The following SAXO1 variants were observed in gnomAD, a reference collection of about 807,000 sequenced individuals.
SAXO1 encodes 4930500O09Rik.
SAXO1 carries 21 observed loss-of-function variants against 17.5 expected under a neutral mutation model. That is an observed-to-expected ratio of 1.20 (90% CI 0.85 to 1.72). The LOEUF is 1.72. Among genes scored for constraint, SAXO1 ranks in the 40% most tolerant of loss-of-function variants. The probability of loss-of-function intolerance (pLI) is 0.00; values close to 1 mark genes in which losing one functional copy is unlikely to be tolerated. For missense variants in SAXO1, 843 were observed against 596.0 expected, an observed-to-expected ratio of 1.41 and a Z score of -4.32; for synonymous variants, 274 against 216.5, an observed-to-expected ratio of 1.27 and a Z score of -2.33.
In SAXO1 at chr9:18,962,229, G is replaced by A. The variant is rs540916492; in HGVS notation, c.39-11292C>T. Among the ~76,000 whole-genome samples the A allele has an allele frequency of 1.8e-4, 28 of 152,172 alleles. No individual in the cohort carries two copies. In the South Asian group the frequency reaches 1.9e-3, roughly 10 times the overall value. On this transcript the variant is annotated intron_variant, in intron 1 of 3. Coordinates refer to ENST00000380534, the MANE Select transcript of SAXO1 (RefSeq NM_153707.4). ...ATTATAGGCATGTGCCACCACACCC[G>A]GCTAATTTTTGTATTTTTAGTAGAG...
intron 1 of SAXO1, among the ~76,000 whole-genome samples, chr9:19,048,379 C>T (rs992891868): frequency 3.3e-5 from 5 of 152,104 alleles, no homozygotes; most frequent in African/African-American, 1.2e-4. Context: ...ATCGCTTGAA[C>T]TCAGGAGGCG....
chr9:18,992,151 A>T (rs1333022584), intron 1 of SAXO1, among the ~76,000 whole-genome samples: 2 of 152,210 alleles, frequency 1.3e-5, no homozygotes, highest in Non-Finnish European at 2.9e-5. Context: ...TCCCCACTAC[A>T]TATCACTTTC....
At chr9:18,940,514 C>T (rs1831507680) in intron 3 of SAXO1, among the ~76,000 whole-genome samples, 1 of 152,202 alleles carries the variant, frequency 6.6e-6, no homozygotes, top group Non-Finnish European at 1.5e-5. Flanking sequence ...TCTAGGAGCT[C>T]ACATCCCTCC....
intron 1 of SAXO1, among the ~76,000 whole-genome samples, chr9:18,982,917 G>A (rs561512797): frequency 9.9e-5 from 15 of 152,252 alleles, no homozygotes; most frequent in African/African-American, 3.6e-4. Flanking sequence ...CAAGGTAATT[G>A]TTTTGATAGA....
At chr9:19,048,193 C>T (rs1264003964) in intron 1 of SAXO1, among the ~76,000 whole-genome samples, 2 of 152,204 alleles carry the variant, frequency 1.3e-5, no homozygotes, top group Non-Finnish European at 2.9e-5. Flanking sequence ...AGGCCAGGCA[C>T]GGTGGCTCAC....
chr9:19,040,630 T>G (rs954270498), intron 1 of SAXO1, among the ~76,000 whole-genome samples: 6 of 149,678 alleles, frequency 4.0e-5, no homozygotes, highest in Admixed American at 4.0e-4. Context: ...GGCAACAGAG[T>G]GAGATTCTTT....
intron 1 of SAXO1, among the ~76,000 whole-genome samples, chr9:18,952,249 C>G (rs1205128766): frequency 6.6e-6 from 1 of 152,196 alleles, no homozygotes; most frequent in Non-Finnish European, 1.5e-5. Context: ...ACTTAGCTAC[C>G]TTCATGAATG....
chr9:18,957,914 T>C (rs1832321171), intron 1 of SAXO1, among the ~76,000 whole-genome samples: 1 of 152,196 alleles, frequency 6.6e-6, no homozygotes, highest in Admixed American at 6.6e-5. Context: ...TCTATTTAAT[T>C]TATGATATAC....
intron 2 of SAXO1, among the ~76,000 whole-genome samples, chr9:18,945,407 G>A (rs1414877211): frequency 6.6e-6 from 1 of 152,114 alleles, no homozygotes. Context: ...TCTTCTATGG[G>A]GTTCTGCTCT....
intron 1 of SAXO1, among the ~76,000 whole-genome samples, chr9:18,966,677 G>A (rs1327368867): frequency 1.3e-5 from 2 of 152,074 alleles, no homozygotes; most frequent in African/African-American, 2.4e-5. Flanking sequence ...CCTTGCAATT[G>A]GGTAGGAACA....
chr9:18,953,656 A>G (rs10811070), intron 1 of SAXO1, among the ~76,000 whole-genome samples: 12,750 of 152,138 alleles, frequency 0.084, 815 homozygotes, highest in African/African-American at 0.19. Context: ...CTCCCAAGAT[A>G]CCCAGGACCA....
Position 18,927,811 on chromosome 9 carries a change from G to A in SAXO1, c.*241C>T. 1 of 433,158 alleles carries A rather than the reference G, an allele frequency of 2.3e-6. No individual in the cohort carries two copies. The highest frequency in any genetic ancestry group is 4.1e-6 in the Non-Finnish European group (1 of 246,538). 26.8% of individuals were successfully genotyped at this position (433,158 alleles called of 1,614,324 possible). ...TTGATTCCATAAGCACAAAGTAAAG[G>A]ACCTGAAACGGGGTGGGGATGCAGT... On this transcript the variant is annotated 3_prime_UTR_variant, in exon 4 of 4. Coordinates refer to ENST00000380534, the MANE Select transcript of SAXO1 (RefSeq NM_153707.4).
At chr9:18,940,815 T>G (rs1176839890) in intron 3 of SAXO1, among the ~76,000 whole-genome samples, 1 of 152,244 alleles carries the variant, frequency 6.6e-6, no homozygotes, top group African/African-American at 2.4e-5. Flanking sequence ...CAGGCCATTA[T>G]GCTTCCTTCA....
intron 1 of SAXO1, among the ~76,000 whole-genome samples, chr9:18,972,603 G>C (rs962542149): frequency 7.9e-5 from 12 of 152,170 alleles, no homozygotes; most frequent in African/African-American, 2.9e-4. Context: ...TACATGAACA[G>C]TCTAGGGCTA....
chr9:18,932,304 G>A (rs1831087938), intron 3 of SAXO1, among the ~76,000 whole-genome samples: 1 of 152,214 alleles, frequency 6.6e-6, no homozygotes, highest in Admixed American at 6.5e-5. Context: ...CCACACTGAA[G>A]TGCCTAGGCA....
chr9:18,962,429 G>A (rs1047004870), intron 1 of SAXO1, among the ~76,000 whole-genome samples: 1 of 152,146 alleles, frequency 6.6e-6, no homozygotes, highest in African/African-American at 2.4e-5. Context: ...ATGTTTGTTT[G>A]GCCGCATACA....
At chr9:18,967,849 G>T (rs1016130235) in intron 1 of SAXO1, among the ~76,000 whole-genome samples, 11 of 152,090 alleles carry the variant, frequency 7.2e-5, no homozygotes, top group Admixed American at 6.5e-4. Flanking sequence ...GCCCAGTTTT[G>T]TTCTTGAAAC....
At chr9:18,983,868 C>T (rs577750989) in intron 1 of SAXO1, among the ~76,000 whole-genome samples, 1 of 152,344 alleles carries the variant, frequency 6.6e-6, no homozygotes, top group Non-Finnish European at 1.5e-5. Context: ...CAATGCCTGG[C>T]TTCCAATCTT....
intron 1 of SAXO1, among the ~76,000 whole-genome samples, chr9:18,975,014 C>T (rs1833082868): frequency 6.6e-6 from 1 of 152,160 alleles, no homozygotes; most frequent in Non-Finnish European, 1.5e-5. Flanking sequence ...AGGTTAGCAT[C>T]ATCATGACTG....
Sources: gnomAD v4.1 joint callset for allele counts (sites outside exome capture counted in the v4.1 genomes callset) on GRCh38, gnomAD v4.1.1 for gene constraint, MANE v1.5 for transcripts, NCBI Gene and HGNC (gene_info 2026-07-23, HGNC 2026-07-21) for gene names.